Variants in TASP1 observed in about 807,000 individuals in gnomAD.
The protein encoded by TASP1 is taspase 1.
A neutral mutation model predicts 56.6 loss-of-function variants in TASP1; 16 were observed. The ratio of observed to expected loss-of-function variants is 0.28; its 90% confidence interval spans 0.19 to 0.43. The LOEUF (loss-of-function observed/expected upper bound fraction) is 0.43. Ranked by LOEUF, TASP1 falls within the 20% of genes least tolerant of loss-of-function variation. TASP1 has a pLI of 1.00. For synonymous variants in TASP1, 179 were observed against 184.2 expected (o/e 0.97, Z 0.23); for missense variants, 393 against 511.6 (o/e 0.77, Z 2.24).
chr20:13,386,949 G>A (rs150811822), downstream of TASP1, among the ~76,000 whole-genome samples: 5 of 152,070 alleles, frequency 3.3e-5, no homozygotes, highest in East Asian at 1.9e-4. Context: ...TTTGGTTTAC[G>A]GATAATTGTA....
the TASP1 span, among the ~76,000 whole-genome samples, chr20:13,257,938 G>A: frequency 6.6e-6 from 1 of 152,122 alleles, no homozygotes; most frequent in Non-Finnish European, 1.5e-5. Flanking sequence ...GCACCGTACA[G>A]TGAAAGGAGC....
At chr20:13,461,951 C>T (rs2044070194) in intron 11 of TASP1, among the ~76,000 whole-genome samples, 1 of 152,126 alleles carries the variant, frequency 6.6e-6, no homozygotes, top group Non-Finnish European at 1.5e-5. Context: ...AGGAGACAAT[C>T]ATGTGTCCAG....
rs185838766 is a variant in TASP1 at position 13,491,581 on chromosome 20, C to G, written c.875-8244G>C. ...ACTTCAGCTCCAGTGATAGATGCAG[C>G]CTTTAAAACAAGATAATTAAATATA... On this transcript the variant is annotated intron_variant, in intron 10 of 13. Coordinates refer to ENST00000337743, the MANE Select transcript of TASP1 (RefSeq NM_017714.3). Among the ~76,000 whole-genome samples the G allele has an allele frequency of 2.0e-4, 31 of 152,158 alleles. No homozygotes were observed. In the East Asian group the frequency reaches 5.6e-3, roughly 27 times the overall value.
chr20:13,527,879 T>C (rs532470520), intron 10 of TASP1, among the ~76,000 whole-genome samples: 2 of 152,148 alleles, frequency 1.3e-5, no homozygotes, highest in East Asian at 1.9e-4. Flanking sequence ...AGAAAAAATA[T>C]AGATCTATAA....
chr20:13,229,854 C>T, the TASP1 span, among the ~76,000 whole-genome samples: 1 of 152,126 alleles, frequency 6.6e-6, no homozygotes, highest in Non-Finnish European at 1.5e-5. Context: ...TCTGTTGGCC[C>T]TTCTTTCAGC....
the TASP1 span, among the ~76,000 whole-genome samples, chr20:13,230,251 A>G: frequency 6.6e-6 from 1 of 152,284 alleles, no homozygotes; most frequent in South Asian, 2.1e-4. Flanking sequence ...TGATATGCCC[A>G]TTAAATCTTT....
the TASP1 span, among the ~76,000 whole-genome samples, chr20:13,268,490 T>C: frequency 6.6e-6 from 1 of 151,960 alleles, no homozygotes; most frequent in Non-Finnish European, 1.5e-5. Flanking sequence ...TCTACCAGGA[T>C]GTGCCAGGAG....
At chr20:13,331,336 C>T in the TASP1 span, among the ~76,000 whole-genome samples, 17,231 of 152,190 alleles carry the variant, frequency 0.11, 1,380 homozygotes, top group Non-Finnish European at 0.17. Flanking sequence ...AAACTATAGA[C>T]GGTGTCCTCC....
intron 13 of TASP1, among the ~76,000 whole-genome samples, chr20:13,405,661 C>T (rs1253824082): frequency 6.6e-6 from 1 of 152,090 alleles, no homozygotes; most frequent in Non-Finnish European, 1.5e-5. Flanking sequence ...ATTCTCCTGC[C>T]TCAGCCTCCC....
chr20:13,390,499 C>T (rs1267605692), intron 13 of TASP1, 47 bp from the exon 14 acceptor site: 1 of 1,555,870 alleles, frequency 6.4e-7, no homozygotes, highest in Non-Finnish European at 8.8e-7. Flanking sequence ...TCAGCGGTGT[C>T]CCTTGCCACA....
chr20:13,562,967 C>A (rs111615974), intron 7 of TASP1, among the ~76,000 whole-genome samples: 3 of 121,344 alleles, frequency 2.5e-5, no homozygotes, highest in Non-Finnish European at 5.0e-5. Flanking sequence ...TGTATACGTG[C>A]GTATGTATGT....
intron 10 of TASP1, among the ~76,000 whole-genome samples, chr20:13,518,827 G>A (rs531937948): frequency 2.1e-4 from 32 of 152,182 alleles, no homozygotes; most frequent in Admixed American, 6.6e-4. Context: ...CCATTACTGG[G>A]TATATACTCA....
the TASP1 span, among the ~76,000 whole-genome samples, chr20:13,191,343 G>T: frequency 6.6e-6 from 1 of 152,102 alleles, no homozygotes; most frequent in Admixed American, 6.5e-5. Flanking sequence ...CAAACTAAGT[G>T]TCCATTAACA....
intron 7 of TASP1, among the ~76,000 whole-genome samples, chr20:13,567,263 T>C (rs556490607): frequency 1.9e-4 from 29 of 151,324 alleles, no homozygotes; most frequent in African/African-American, 6.3e-4. Flanking sequence ...CAGTGGAGCC[T>C]AACTGAGGGT....
the TASP1 span, among the ~76,000 whole-genome samples, chr20:13,124,624 G>A: frequency 6.6e-6 from 1 of 152,156 alleles, no homozygotes; most frequent in East Asian, 1.9e-4. Flanking sequence ...AGGAAGAACA[G>A]AACACATCCC....
intron 4 of TASP1, among the ~76,000 whole-genome samples, chr20:13,591,701 CAA>C (rs2147286494): frequency 6.6e-6 from 1 of 152,238 alleles, no homozygotes; most frequent in South Asian, 2.1e-4. Flanking sequence ...ATCTCATTTT[CAA>C]AGTGTTTCAA....
chr20:13,519,267 A>G (rs1267576856), intron 10 of TASP1, among the ~76,000 whole-genome samples: 1 of 152,114 alleles, frequency 6.6e-6, no homozygotes, highest in African/African-American at 2.4e-5. Context: ...TCGTACCACA[A>G]CCTCAGTATC....
chr20:13,558,507 T>A (rs1487671449), intron 8 of TASP1, among the ~76,000 whole-genome samples: 1 of 152,076 alleles, frequency 6.6e-6, no homozygotes, highest in Non-Finnish European at 1.5e-5. Flanking sequence ...ATTTTTAATT[T>A]TATAAAATTT....
intron 13 of TASP1, chr20:13,393,341 G>C (rs1600661346): frequency 2.6e-6 from 2 of 755,528 alleles, no homozygotes; most frequent in East Asian, 5.4e-5. Flanking sequence ...TCATCCCCGA[G>C]CTGAACAGGA....
Sources: allele counts gnomAD v4.1 joint callset (sites outside exome capture counted in the v4.1 genomes callset), GRCh38; gene constraint gnomAD v4.1.1; transcripts MANE v1.5; gene names NCBI Gene and HGNC (gene_info 2026-07-23, HGNC 2026-07-21).